PLEKHH2: variants seen among roughly 807,000 people sequenced by gnomAD.
The protein encoded by PLEKHH2 is pleckstrin homology domain-containing family H member 2.
PLEKHH2 carries 129 observed loss-of-function variants against 187.9 expected under a neutral mutation model. The observed-to-expected ratio is 0.69, with a 90% CI of 0.59 to 0.79. The LOEUF (loss-of-function observed/expected upper bound fraction) is 0.79, where lower values mean the gene tolerates loss of function less well. Among genes scored for constraint, PLEKHH2 ranks in the 30% least tolerant of loss-of-function variants. The pLI is 0.00. For missense variants in PLEKHH2, 2,076 were observed against 1,751.2 expected, an observed-to-expected ratio of 1.19 and a Z score of -3.31; for synonymous variants, 686 against 605.6, an observed-to-expected ratio of 1.13 and a Z score of -1.95.
chr2:43,716,308 A>G (rs1297113626), intron 15 of PLEKHH2, among the ~76,000 whole-genome samples: 1 of 152,150 alleles, frequency 6.6e-6, no homozygotes, highest in African/African-American at 2.4e-5. Flanking sequence ...CTGGAGGAAA[A>G]GTGAGGAAGG....
chr2:43,726,502 C>G (rs780513669), intron 17 of PLEKHH2, 51 bp downstream of exon 17: 5 of 1,445,598 alleles, frequency 3.5e-6, no homozygotes, highest in Non-Finnish European at 4.8e-6. Flanking sequence ...TAATATTATT[C>G]AGATATTGGT....
intron 15 of PLEKHH2, among the ~76,000 whole-genome samples, 168 bp from the exon 16 acceptor site, chr2:43,720,501 T>C (rs142772861): frequency 6.6e-6 from 1 of 152,288 alleles, no homozygotes; most frequent in Non-Finnish European, 1.5e-5. Flanking sequence ...CCATGTGTGC[T>C]CAATGTGTGA....
intron 2 of PLEKHH2, among the ~76,000 whole-genome samples, chr2:43,678,612 A>T (rs545725379): frequency 1.4e-3 from 209 of 152,210 alleles, no homozygotes; most frequent in Non-Finnish European, 2.6e-3. Context: ...CGGCAGGCTG[A>T]GGCAGGAGAA....
chr2:43,710,270 G>C lies in PLEKHH2; in HGVS notation c.2154G>C (p.Lys718Asn). ...TATTAAAAATGAGTGGTAAAGTCAA[G>C]TCTTGGAAGCGGCGGTGGTTTGTTC... ...GYLLKMSGKVKSWKRRWFVLK... is the reference protein window; with the variant it reads ...GYLLKMSGKVNSWKRRWFVLK... The change falls in exon 13 of 30, where the codon AAG (lysine) becomes AAC (asparagine). Residue 718 changes from lysine (K) to asparagine (N), a missense_variant. By Grantham distance (94) the Lys-to-Asn change is moderately conservative. Coordinates refer to ENST00000282406, the MANE Select transcript of PLEKHH2 (RefSeq NM_172069.4). The C allele has an allele frequency of 1.9e-6, 3 of 1,614,154 alleles. No homozygotes were observed. Among genetic ancestry groups the C allele is most frequent in the Non-Finnish European group, 2.5e-6 (3 of 1,180,012 alleles).
At chr2:43,755,407 G>A (rs1472229737) in intron 25 of PLEKHH2, among the ~76,000 whole-genome samples, 1 of 152,150 alleles carries the variant, frequency 6.6e-6, no homozygotes, top group East Asian at 1.9e-4. Flanking sequence ...CTGTTGCTAA[G>A]GTTCGGATCA....
chr2:43,675,539 G>A (rs781084884), intron 2 of PLEKHH2: 1 of 1,613,932 alleles, frequency 6.2e-7, no homozygotes, highest in Non-Finnish European at 8.5e-7. Flanking sequence ...TCTACTACTT[G>A]CTGAGGGTTA....
At chr2:43,734,479 G>T (rs1671197010) in intron 19 of PLEKHH2, among the ~76,000 whole-genome samples, 1 of 152,090 alleles carries the variant, frequency 6.6e-6, no homozygotes, top group Non-Finnish European at 1.5e-5. Context: ...CATACAAATG[G>T]CCAACAAGTA....
At chr2:43,685,113 A>G (rs1668436316) in intron 3 of PLEKHH2, among the ~76,000 whole-genome samples, 1 of 152,186 alleles carries the variant, frequency 6.6e-6, no homozygotes, top group African/African-American at 2.4e-5. Flanking sequence ...AACAATTTCC[A>G]TGGGACTGTG....
chr2:43,684,844 A>G (rs992629670), intron 3 of PLEKHH2, among the ~76,000 whole-genome samples: 1 of 151,560 alleles, frequency 6.6e-6, no homozygotes, highest in African/African-American at 2.4e-5. Context: ...AAAGAGAGAG[A>G]ATTACAAATC....
intron 3 of PLEKHH2, among the ~76,000 whole-genome samples, chr2:43,684,834 AAAGAG>A (rs1232701409): frequency 4.6e-5 from 7 of 152,030 alleles, no homozygotes; most frequent in Admixed American, 3.9e-4. Context: ...AAAAAAAAAA[AAAGAG>A]AGAGAATTAC....
Position 43,651,545 on chromosome 2 carries a change from G to T in PLEKHH2, c.123+6749G>T, listed in dbSNP as rs182620005. Among the ~76,000 whole-genome samples, 7 of 152,146 alleles carry T rather than the reference G, an allele frequency of 4.6e-5. No homozygotes were observed. In the East Asian group the frequency reaches 1.3e-3, roughly 29 times the overall value. ...GCAAAGGACAGAAATCAAGACAAAT[G>T]CTTTTCAGCTAAGATTTTTGTGTCT... On this transcript the variant is annotated intron_variant, in intron 2 of 29. Coordinates refer to ENST00000282406, the MANE Select transcript of PLEKHH2 (RefSeq NM_172069.4).
intron 3 of PLEKHH2, among the ~76,000 whole-genome samples, chr2:43,687,973 A>AT (rs894892659): frequency 6.6e-6 from 1 of 151,310 alleles, no homozygotes; most frequent in Admixed American, 6.6e-5. Context: ...ATATTTTAGA[A>AT]TTTTTTTTGT....
intron 15 of PLEKHH2, among the ~76,000 whole-genome samples, chr2:43,718,187 C>T (rs1277219115): frequency 6.6e-6 from 1 of 152,140 alleles, no homozygotes; most frequent in African/African-American, 2.4e-5. Flanking sequence ...TTTAAATTTT[C>T]GTGAGGATTC....
intron 18 of PLEKHH2, among the ~76,000 whole-genome samples, chr2:43,731,044 CAGG>C (rs1162184700): frequency 1.7e-4 from 26 of 152,256 alleles, no homozygotes; most frequent in Non-Finnish European, 2.9e-5. Flanking sequence ...TTATCCAAAA[CAGG>C]AACATGTCTC....
chr2:43,747,134 C>T (rs527690591), intron 24 of PLEKHH2, among the ~76,000 whole-genome samples: 4 of 146,786 alleles, frequency 2.7e-5, no homozygotes, highest in South Asian at 2.2e-4. Flanking sequence ...CTCTCTCTCT[C>T]GGTGTTCACC....
At chr2:43,678,664 A>G (rs932476984) in intron 2 of PLEKHH2, among the ~76,000 whole-genome samples, 199 bp from the exon 3 acceptor site, 2 of 151,760 alleles carry the variant, frequency 1.3e-5, no homozygotes, top group Non-Finnish European at 2.9e-5. Context: ...GCAGCAGTAC[A>G]GTCCAGCTTC....
chr2:43,680,775 A>T, intron 3 of PLEKHH2: 1 of 364,062 alleles, frequency 2.7e-6, no homozygotes, highest in South Asian at 2.9e-5. Context: ...AAAGTTTGTC[A>T]TTCCAAGTTT....
At chr2:43,761,323 T>C (rs1288867453) in intron 27 of PLEKHH2, among the ~76,000 whole-genome samples, 5 of 152,146 alleles carry the variant, frequency 3.3e-5, no homozygotes, top group African/African-American at 9.7e-5. Flanking sequence ...TTCATGGGTT[T>C]CAGTTGGGTT....
At position 43,712,246 on chromosome 2, in the gene PLEKHH2, T is replaced by A. The variant is rs760657175; in HGVS notation, c.2323T>A (p.Tyr775Asn). 1.9e-6 allele frequency: 3 copies of A among 1,613,280 alleles called. No individual in the cohort carries two copies. The African/African-American group carries it at 4.0e-5, about 22-fold the overall frequency. Reference sequence around the variant, plus strand: ...CTAGTTGACCACTGAAAAACACACATACTATCTGACTGCAGATTCTCCCAA... The same window carrying A: ...CTAGTTGACCACTGAAAAACACACAAACTATCTGACTGCAGATTCTCCCAA... ...TVQLTTEKHTYYLTADSPNIL... is the reference protein window; with the variant it reads ...TVQLTTEKHTNYLTADSPNIL... Residue 775 changes from tyrosine (Y) to asparagine (N), a missense_variant, in exon 15 of 30, where the codon TAC (tyrosine) becomes AAC (asparagine). Transcript: ENST00000282406.
Sources: gnomAD v4.1 joint callset for allele counts (sites outside exome capture counted in the v4.1 genomes callset) on GRCh38, gnomAD v4.1.1 for gene constraint, MANE v1.5 for transcripts, NCBI Gene and HGNC (gene_info 2026-07-23, HGNC 2026-07-21) for gene names.